Variants in MYO7A observed in about 807,000 individuals in gnomAD.
The protein encoded by MYO7A is myosin VIIA, also known as unconventional myosin-VIIa.
A neutral mutation model predicts 263.8 loss-of-function variants in MYO7A; 210 were observed. The observed-to-expected ratio is 0.80, with a 90% CI of 0.71 to 0.89. MYO7A has a LOEUF of 0.89. Among genes scored for constraint, MYO7A ranks in the 40% least tolerant of loss-of-function variants. MYO7A has a pLI of 0.00. For missense variants in MYO7A, 2,820 were observed against 2,968.3 expected, an observed-to-expected ratio of 0.95 and a Z score of 1.16; for synonymous variants, 1,239 against 1,197.3, an observed-to-expected ratio of 1.03 and a Z score of -0.72.
At chr11:77,129,790 A>C (rs140134293) in intron 1 of MYO7A, among the ~76,000 whole-genome samples, 2 of 152,352 alleles carry the variant, frequency 1.3e-5, no homozygotes, top group Non-Finnish European at 2.9e-5. Flanking sequence ...GAAATTCACT[A>C]GTCAAAATTT....
chr11:77,161,511 A>ACC (rs1159735194), intron 12 of MYO7A, among the ~76,000 whole-genome samples: 1 of 152,076 alleles, frequency 6.6e-6, no homozygotes, highest in Non-Finnish European at 1.5e-5. Context: ...CGTGTGAGGG[A>ACC]CTGATGGGTG....
At chr11:77,211,462 T>A in intron 45 of MYO7A, 125 bp downstream of exon 45, 1 of 1,102,584 alleles carries the variant, frequency 9.1e-7, no homozygotes, top group East Asian at 2.6e-5. Flanking sequence ...TTGTACTTGA[T>A]GAGGCCGCCC....
rs373089701 is a variant in MYO7A, at chr11:77,181,443, C to A, written c.2758C>A (p.Arg920=). ...GGAGCTGAAGGAGAAGGAGGCCGCT[C>A]GGCGGAAGAAGGAGCTCCTGGAGCA... ...ERELKEKEAA[R]RKKELLEQME... is the part of the protein sequence containing the mutation. The change falls in exon 23 of 49, where the codon CGG becomes AGG. Residue 920 remains arginine (R), a synonymous_variant. Coordinates refer to ENST00000409709, the MANE Select transcript of MYO7A (RefSeq NM_000260.4). 1.9e-6 allele frequency: 3 copies of A among 1,604,164 alleles called. No homozygotes were observed. Among genetic ancestry groups the A allele is most frequent in the Admixed American group, 1.7e-5 (1 of 58,470 alleles).
In MYO7A at chr11:77,206,168, T is replaced by C. The variant is rs1257980924; in HGVS notation, c.5708T>C (p.Phe1903Ser). Residue 1903 changes from phenylalanine to serine, a missense_variant, in exon 41 of 49, where the codon TTC becomes TCC. Physicochemically the swap from Phe to Ser is radical, Grantham distance 155 (BLOSUM62 -2). Transcript: ENST00000409709. Reference sequence around the variant, plus strand: ...ATCCAGCACAAGACCACCCAGATTTTCCACAAAGTCTACTTCCCTGATGAC... The same window carrying C: ...ATCCAGCACAAGACCACCCAGATTTCCCACAAAGTCTACTTCCCTGATGAC... Reference protein sequence around the residue: ...EAIQHKTTQIFHKVYFPDDTD... With the variant: ...EAIQHKTTQISHKVYFPDDTD... 1.2e-6 allele frequency: 2 copies of C among 1,613,292 alleles called. No homozygotes were observed. The highest frequency in any genetic ancestry group is 1.7e-6 in the Non-Finnish European group (2 of 1,179,684).
intron 4 of MYO7A, 61 bp downstream of exon 4, chr11:77,148,011 G>T: frequency 8.5e-6 from 11 of 1,294,242 alleles, no homozygotes; most frequent in Non-Finnish European, 1.1e-5. Flanking sequence ...CGCCCACCTC[G>T]CCCCACCCCG....
intron 2 of MYO7A, among the ~76,000 whole-genome samples, chr11:77,136,179 A>T (rs893973575): frequency 6.6e-6 from 1 of 152,126 alleles, no homozygotes; most frequent in Non-Finnish European, 1.5e-5. Context: ...CTTTCTTGAC[A>T]GTTTTTTTAT....
At chr11:77,130,552 C>T (rs1255236993) in intron 1 of MYO7A, 37 bp from the exon 2 acceptor site, 6 of 1,546,964 alleles carry the variant, frequency 3.9e-6, no homozygotes, top group Non-Finnish European at 2.6e-6. Flanking sequence ...CCAGGGCTGG[C>T]CTGCCCAGAA....
chr11:77,202,779 C>T (rs989263574), intron 37 of MYO7A, among the ~76,000 whole-genome samples: 9 of 147,932 alleles, frequency 6.1e-5, no homozygotes, highest in African/African-American at 2.2e-4. Flanking sequence ...CTGATGGAGG[C>T]GTTGTGCACT....
chr11:77,161,785 C>G (rs1555068962), intron 12 of MYO7A, among the ~76,000 whole-genome samples: 2 of 152,238 alleles, frequency 1.3e-5, no homozygotes, highest in Non-Finnish European at 1.5e-5. Flanking sequence ...TGGGGTCTTT[C>G]TCTCCCAGGC....
At chr11:77,201,697 C>T (rs1467209370) in intron 36 of MYO7A, 59 bp downstream of exon 36, 10 of 1,529,742 alleles carry the variant, frequency 6.5e-6, no homozygotes, top group South Asian at 1.2e-5. Context: ...TCTTTGTCCA[C>T]TTCCCACAGC....
At chr11:77,172,685 G>C in intron 15 of MYO7A, 63 bp from the exon 16 acceptor site, 1 of 1,541,656 alleles carries the variant, frequency 6.5e-7, no homozygotes, top group South Asian at 1.2e-5. Flanking sequence ...CCTACTGGGC[G>C]GCTCCTGGGA....
rs782022331 is a variant in MYO7A, at chr11:77,160,982, G to A, written c.1210G>A (p.Gly404Arg). The A allele has an allele frequency of 5.0e-6, 8 of 1,603,680 alleles. No individual in the cohort carries two copies. The South Asian group carries it at 5.6e-5, about 11-fold the overall frequency. The change falls in exon 12 of 49, where the codon GGG (glycine) becomes AGG (arginine). Residue 404 changes from glycine to arginine, a missense_variant. Coordinates refer to ENST00000409709, the MANE Select transcript of MYO7A (RefSeq NM_000260.4). ...GATCACTGCCTTTCAGGGGATCTAC[G>A]GGCGGCTGTTCGTGTGGATTGTGGA... ...VRDAFVKGIY[G>R]RLFVWIVDKI...
intron 2 of MYO7A, among the ~76,000 whole-genome samples, chr11:77,132,078 T>C (rs1186376232): frequency 6.6e-6 from 1 of 152,038 alleles, no homozygotes; most frequent in Non-Finnish European, 1.5e-5. Context: ...TCTGCTTCCC[T>C]GGTCTGCCCT....
intron 9 of MYO7A, among the ~76,000 whole-genome samples, 193 bp downstream of exon 9, chr11:77,158,623 C>T (rs180960775): frequency 2.0e-5 from 3 of 152,304 alleles, no homozygotes; most frequent in East Asian, 3.9e-4. Context: ...GGTGTGGTGT[C>T]GCTGTGCTGA....
At chr11:77,128,791 G>A (rs535164358) in intron 1 of MYO7A, among the ~76,000 whole-genome samples, 1 of 152,256 alleles carries the variant, frequency 6.6e-6, no homozygotes, top group African/African-American at 2.4e-5. Flanking sequence ...ATGCTGTGGT[G>A]GCAGAGAGAA....
Position 77,155,933 on chromosome 11 carries a change from T to C in MYO7A, c.312T>C (p.Ala104=), listed in dbSNP as rs782654142. Residue 104 remains alanine, a synonymous_variant, in exon 5 of 49, where the codon GCT becomes GCC. Coordinates refer to ENST00000409709, the MANE Select transcript of MYO7A (RefSeq NM_000260.4). The part of the protein sequence containing the change: ...IYTYTGSILV[A]VNPYQLLSIY... The stretch of plus-strand genomic sequence containing the variant: ...CGTATACGGGCTCCATCCTGGTGGC[T>C]GTGAACCCCTACCAGCTGCTCTCCA... 6.2e-7 allele frequency: 1 copy of C among 1,609,174 alleles called. No homozygotes were observed. The highest frequency in any genetic ancestry group is 1.1e-5 in the South Asian group (1 of 90,110).
Position 77,174,783 on chromosome 11 carries a change from C to T in MYO7A, c.1963C>T (p.Gln655Ter), listed in dbSNP as rs397516291. 1 of 1,606,162 alleles carries T rather than the reference C, an allele frequency of 6.2e-7. No individual in the cohort carries two copies. Among genetic ancestry groups the T allele is most frequent in the Admixed American group, 1.7e-5 (1 of 58,934 alleles). The change falls in exon 17 of 49, where the codon CAG becomes TAG. Residue 655 changes from glutamine to a stop codon, truncating the protein, a stop_gained. Coordinates refer to ENST00000409709, the MANE Select transcript of MYO7A (RefSeq NM_000260.4). LOFTEE classifies it high-confidence loss of function. ...MLFDRHLCVR[Q>*]LRYSGMMETI... ...GTTCGACCGGCACCTGTGCGTGCGC[C>T]AGCTGCGGTACTCAGGAATGATGGA...
rs1054515376 is a variant in MYO7A at position 77,140,556 on chromosome 11, G to A, written c.19-2153G>A. Among the ~76,000 whole-genome samples, 5 of 152,136 alleles carry A rather than the reference G, an allele frequency of 3.3e-5. No homozygotes were observed. The South Asian group carries it at 6.2e-4, about 19-fold the overall frequency. ...CACCCCTTCTCTCTCACCGAGGCCC[G>A]CTCTGGGCTGGGCTCTGGGGAGCCA... On this transcript the variant is annotated intron_variant, in intron 2 of 48. Transcript: ENST00000409709.
chr11:77,130,953 GGAA>G (rs1950748136), intron 2 of MYO7A, among the ~76,000 whole-genome samples: 1 of 152,250 alleles, frequency 6.6e-6, no homozygotes, highest in South Asian at 2.1e-4. Context: ...AGGTCCCTGG[GGAA>G]GAGGAGAGGA....
Sources: allele counts gnomAD v4.1 joint callset (sites outside exome capture counted in the v4.1 genomes callset), GRCh38; gene constraint gnomAD v4.1.1; transcripts MANE v1.5; gene names NCBI Gene and HGNC (gene_info 2026-07-23, HGNC 2026-07-21).